TNIK: variants seen among roughly 807,000 people sequenced by gnomAD.
TNIK encodes TRAF2 and NCK-interacting protein kinase.
TNIK carries 49 observed loss-of-function variants against 191.3 expected under a neutral mutation model. That is an observed-to-expected ratio of 0.26 (90% CI 0.20 to 0.32). The LOEUF is 0.32. Ranked by LOEUF, TNIK falls within the 10% of genes least tolerant of loss-of-function variation. TNIK has a pLI of 1.00. For synonymous variants in TNIK, 594 were observed against 600.9 expected, an observed-to-expected ratio of 0.99 and a Z score of 0.17; for missense variants, 1,155 against 1,702.3, an observed-to-expected ratio of 0.68 and a Z score of 5.66.
At chr3:171,308,663 C>A (rs1753708330) in intron 2 of TNIK, among the ~76,000 whole-genome samples, 1 of 152,122 alleles carries the variant, frequency 6.6e-6, no homozygotes, top group African/African-American at 2.4e-5. Flanking sequence ...ATGCATCTCA[C>A]AAAGGCCTAA....
At chr3:171,320,525 A>G (rs745556532) in intron 2 of TNIK, among the ~76,000 whole-genome samples, 148 of 152,358 alleles carry the variant, frequency 9.7e-4, no homozygotes, top group Non-Finnish European at 1.6e-3. Flanking sequence ...TTTCAGTACT[A>G]TCTAGAGGAT....
rs1049031942 is a variant in TNIK, at chr3:171,128,840, A to G, written c.1647T>C (p.Pro549=). ...ERSRLNRQSS[P]AMPHKVANRI... ...TGTTGGCAACCTTGTGAGGCATGGC[A>G]GGGGAACTTTGCCGGTTGAGCCTTG... The change falls in exon 16 of 33, where the codon CCT becomes CCC. Residue 549 remains proline (P), a synonymous_variant. Transcript: ENST00000436636. 3.2e-6 allele frequency: 5 copies of G among 1,557,786 alleles called. No individual in the cohort carries two copies. The highest frequency in any genetic ancestry group is 4.3e-6 in the Non-Finnish European group (5 of 1,150,590).
intron 5 of TNIK, among the ~76,000 whole-genome samples, chr3:171,191,965 A>T (rs1738115174): frequency 6.6e-6 from 1 of 152,160 alleles, no homozygotes; most frequent in South Asian, 2.1e-4. Flanking sequence ...ATTACCTTTA[A>T]TTTTTTGTGC....
chr3:171,187,407 G>GATT (rs1737494838), intron 7 of TNIK, among the ~76,000 whole-genome samples: 1 of 152,136 alleles, frequency 6.6e-6, no homozygotes, highest in South Asian at 2.1e-4. Flanking sequence ...ATTTATGGGA[G>GATT]ATTATTAGGT....
At chr3:171,213,126 C>T (rs555913167) in intron 3 of TNIK, among the ~76,000 whole-genome samples, 6 of 152,020 alleles carry the variant, frequency 3.9e-5, no homozygotes, top group Non-Finnish European at 7.4e-5. Flanking sequence ...CACTGCAGGT[C>T]GTGAAGAGAA....
intron 1 of TNIK, among the ~76,000 whole-genome samples, chr3:171,429,479 T>C (rs1725075626): frequency 6.6e-6 from 1 of 152,234 alleles, no homozygotes; most frequent in Non-Finnish European, 1.5e-5. Flanking sequence ...ATTTTCCTTT[T>C]AAATATGTTT....
intron 12 of TNIK, among the ~76,000 whole-genome samples, chr3:171,149,306 A>G (rs367714977): frequency 6.6e-6 from 1 of 152,198 alleles, no homozygotes; most frequent in Non-Finnish European, 1.5e-5. Context: ...TAGATACACC[A>G]AGGATCAGCA....
intron 2 of TNIK, among the ~76,000 whole-genome samples, chr3:171,284,882 G>T (rs987094509): frequency 6.6e-6 from 1 of 152,206 alleles, no homozygotes; most frequent in Non-Finnish European, 1.5e-5. Context: ...GAGTAAGGGG[G>T]AGAACTCAGA....
intron 27 of TNIK, 109 bp downstream of exon 27, chr3:171,082,142 T>G: frequency 7.1e-7 from 1 of 1,412,936 alleles, no homozygotes; most frequent in Non-Finnish European, 9.6e-7. Flanking sequence ...CTATACTTTA[T>G]TGTGTTGTTT....
chr3:171,133,531 A>T (rs1056286891), intron 15 of TNIK, among the ~76,000 whole-genome samples: 1 of 152,214 alleles, frequency 6.6e-6, no homozygotes, highest in Non-Finnish European at 1.5e-5. Flanking sequence ...GAGCTTCCCA[A>T]TTGTGAGGCA....
chr3:171,263,068 C>G (rs1485400926), intron 2 of TNIK, among the ~76,000 whole-genome samples: 2 of 152,182 alleles, frequency 1.3e-5, no homozygotes, highest in Non-Finnish European at 2.9e-5. Context: ...AAGCTAAAAG[C>G]CTTCCAACTG....
intron 3 of TNIK, among the ~76,000 whole-genome samples, chr3:171,217,339 C>T (rs965176354): frequency 1.3e-5 from 2 of 152,068 alleles, no homozygotes; most frequent in East Asian, 1.9e-4. Flanking sequence ...TGAATGGGTG[C>T]TAAGCATTGG....
At chr3:171,183,297 C>A (rs1290355685) in intron 7 of TNIK, among the ~76,000 whole-genome samples, 1 of 152,238 alleles carries the variant, frequency 6.6e-6, no homozygotes, top group African/African-American at 2.4e-5. Context: ...GGGAGGACAG[C>A]TGACTCCTAG....
intron 7 of TNIK, among the ~76,000 whole-genome samples, chr3:171,178,979 G>A (rs1437861691): frequency 2.0e-5 from 3 of 152,104 alleles, no homozygotes; most frequent in Non-Finnish European, 2.9e-5. Context: ...CAGTAATTGG[G>A]CAGAGGTCTG....
chr3:171,193,849 A>G (rs1037903335), intron 5 of TNIK, among the ~76,000 whole-genome samples: 1 of 152,212 alleles, frequency 6.6e-6, no homozygotes, highest in Non-Finnish European at 1.5e-5. Context: ...TGAATGAACT[A>G]AAATATGCCC....
At position 171,159,730 on chromosome 3, in the gene TNIK, C is replaced by T. The variant is rs372089371; in HGVS notation, c.1016+1540G>A. On this transcript the variant is annotated intron_variant, in intron 11 of 32. Coordinates refer to ENST00000436636, the MANE Select transcript of TNIK (RefSeq NM_015028.4). The surrounding 1 kb of genome is among the most constrained non-coding windows in gnomAD (Gnocchi z 4.1). ...GACCTGGGTGCAACCCTTAGGCTGT[C>T]GCCTCATTTCTAAAATGAGATAACC... is the stretch of plus-strand genomic sequence containing the variant. Among the ~76,000 whole-genome samples the T allele has an allele frequency of 2.4e-4, 36 of 152,302 alleles. No individual in the cohort carries two copies. The highest frequency in any genetic ancestry group is 7.0e-4 in the African/African-American group (29 of 41,576).
chr3:171,442,836 T>TC (rs1474081706), intron 1 of TNIK, among the ~76,000 whole-genome samples: 110 of 152,194 alleles, frequency 7.2e-4, no homozygotes, highest in African/African-American at 2.6e-3. Flanking sequence ...CTCTTCCCTT[T>TC]CCCCCTCCCC....
At chr3:171,162,197 G>A (rs577678022) in intron 10 of TNIK, among the ~76,000 whole-genome samples, 5 of 152,150 alleles carry the variant, frequency 3.3e-5, no homozygotes, top group Non-Finnish European at 7.4e-5. Flanking sequence ...CAAGGTGGGC[G>A]GATCATGAGG....
chr3:171,082,825 G>A (rs1051551485), intron 26 of TNIK: 1 of 154,934 alleles, frequency 6.5e-6, no homozygotes, highest in Non-Finnish European at 1.4e-5. Context: ...AATATACAGT[G>A]GAATTTCCAT....
Sources: allele counts gnomAD v4.1 joint callset (sites outside exome capture counted in the v4.1 genomes callset), GRCh38; gene constraint gnomAD v4.1.1; non-coding constraint Gnocchi (gnomAD v3.1); transcripts MANE v1.5; gene names NCBI Gene and HGNC (gene_info 2026-07-23, HGNC 2026-07-21).